The following ZNF606 variants were observed in gnomAD, a reference collection of about 807,000 sequenced individuals.
The protein encoded by ZNF606 is zinc finger protein 606.
A neutral mutation model predicts 74.9 loss-of-function variants in ZNF606; 37 were observed. The observed-to-expected ratio is 0.49, with a 90% confidence interval of 0.38 to 0.65. The LOEUF (loss-of-function observed/expected upper bound fraction) is 0.65. ZNF606 is among the 30% of genes least tolerant of loss of function. The pLI is 0.00. For missense variants in ZNF606, 852 were observed against 952.9 expected, an observed-to-expected ratio of 0.89 and a Z score of 1.39; for synonymous variants, 328 against 312.4, an observed-to-expected ratio of 1.05 and a Z score of -0.53.
chr19:57,987,698 G>T (rs1349215537), intron 6 of ZNF606, among the ~76,000 whole-genome samples: 1 of 151,922 alleles, frequency 6.6e-6, no homozygotes, highest in Non-Finnish European at 1.5e-5. Context: ...CATGGTGGCG[G>T]GTGCCTGTAA....
chr19:58,000,106 T>C lies in ZNF606; in HGVS notation c.89-210A>G, dbSNP rs1234988610. On this transcript the variant is annotated intron_variant, in intron 3 of 6. Transcript: ENST00000551380. ...CTCTCATTGGCCCCCCCTGTGCTAT[T>C]GGGTACCATCTCTGAGAAGCAGTGT... 21 of 560,434 alleles carry C rather than the reference T, an allele frequency of 3.7e-5. 1 individual carries two copies. The South Asian group carries it at 5.0e-4, about 13-fold the overall frequency. 34.7% of individuals were successfully genotyped at this position (560,434 alleles called of 1,614,324 possible). A position where few individuals can be genotyped will look rare whatever the true frequency, so the allele number is the denominator to read the frequency against.
intron 6 of ZNF606, among the ~76,000 whole-genome samples, chr19:57,983,817 A>G (rs1002771446): frequency 6.8e-6 from 1 of 147,026 alleles, no homozygotes; most frequent in African/African-American, 2.5e-5. Context: ...GGAGGAAGAT[A>G]AGGATACCTG....
At chr19:57,990,601 T>C (rs2073243969) in intron 4 of ZNF606, among the ~76,000 whole-genome samples, 1 of 150,220 alleles carries the variant, frequency 6.7e-6, no homozygotes, top group South Asian at 2.1e-4. Context: ...ACGTGTGCAG[T>C]ATACCGCTCC....
chr19:57,988,500 A>T, intron 5 of ZNF606, 95 bp downstream of exon 5: 1 of 1,525,058 alleles, frequency 6.6e-7, no homozygotes, highest in Non-Finnish European at 8.8e-7. Flanking sequence ...CTTCTGAGAC[A>T]CCACCCTCGC....
upstream of ZNF606, chr19:58,003,248 C>T (rs1319520210): frequency 2.2e-6 from 1 of 456,746 alleles, no homozygotes. Flanking sequence ...CTCTGTGAAG[C>T]TCGACGGCTG....
At chr19:57,999,750 G>A (rs772427211) in intron 4 of ZNF606, 58 bp downstream of exon 4, 2 of 1,537,408 alleles carry the variant, frequency 1.3e-6, no homozygotes, top group South Asian at 2.2e-5. Context: ...CGCATCAACT[G>A]GGATGACCAG....
chr19:57,999,674 C>A, intron 4 of ZNF606, 134 bp downstream of exon 4: 1 of 885,184 alleles, frequency 1.1e-6, no homozygotes, highest in South Asian at 1.5e-5. Context: ...TACCTGCTCT[C>A]AGGAAGGATT....
At chr19:58,001,428 G>T in intron 1 of ZNF606, 58 bp from the exon 2 acceptor site, 1 of 1,368,298 alleles carries the variant, frequency 7.3e-7, no homozygotes, top group Non-Finnish European at 1.0e-6. Context: ...GACCAAGTGG[G>T]AACAAAGAAG....
At chr19:57,981,835 A>T (rs992164945) in intron 6 of ZNF606, among the ~76,000 whole-genome samples, 2 of 152,226 alleles carry the variant, frequency 1.3e-5, no homozygotes, top group Non-Finnish European at 2.9e-5. Context: ...CATAGTGTGA[A>T]AAAACAGACA....
chr19:57,983,280 A>G (rs1004521811), intron 6 of ZNF606, among the ~76,000 whole-genome samples: 1 of 152,150 alleles, frequency 6.6e-6, no homozygotes, highest in Non-Finnish European at 1.5e-5. Flanking sequence ...ATATACATGA[A>G]ATATCACTCT....
chr19:57,994,838 A>G (rs2073310230), intron 4 of ZNF606, among the ~76,000 whole-genome samples: 1 of 152,312 alleles, frequency 6.6e-6, no homozygotes. Flanking sequence ...GGGGAGACTG[A>G]CAAGTAGCTT....
chr19:57,978,345 G>A lies in ZNF606; in HGVS notation c.2335C>T (p.Leu779=). The change falls in exon 7 of 7, where the codon CTA becomes TTA. Residue 779 remains leucine, a synonymous_variant. Coordinates refer to ENST00000551380, the MANE Select transcript of ZNF606 (RefSeq NM_001348022.3). This position sits in a 1 kb window ranked among gnomAD's most constrained non-coding sequence, Gnocchi z 4.4. ...CGKAFSGHSA[L]LQHQRNHSEE... ...CTGTGATTTCTCTGGTGTTGAAGTA[G>A]GGCTGAGTGACCACTAAAGGCTTTT... 1 of 1,596,994 alleles carries A rather than the reference G, an allele frequency of 6.3e-7. No individual in the cohort carries two copies. The highest frequency in any genetic ancestry group is 8.6e-7 in the Non-Finnish European group (1 of 1,168,494).
chr19:58,000,540 T>C, intron 3 of ZNF606, 143 bp downstream of exon 3: 1 of 919,224 alleles, frequency 1.1e-6, no homozygotes, highest in Non-Finnish European at 1.7e-6. Context: ...GATTCCTCCT[T>C]GTTCCAGCTC....
Position 57,980,026 on chromosome 19 carries a change from C to T in ZNF606, c.654G>A (p.Glu218=), listed in dbSNP as rs750989006. The change falls in exon 7 of 7, where the codon GAG becomes GAA. Residue 218 remains glutamate (E), a synonymous_variant. Transcript: ENST00000551380. The part of the protein sequence containing the change: ...RSSEFCGLGA[E]FSQNLNFVPS... ...GAACAAAGTTTAAGTTCTGGCTAAA[C>T]TCTGCCCCAAGTCCACAGAATTCAG... is the stretch of plus-strand genomic sequence containing the variant. 6 of 1,613,462 alleles carry T rather than the reference C, an allele frequency of 3.7e-6. No homozygotes were observed. The African/African-American group carries it at 5.3e-5, about 14-fold the overall frequency.
intron 4 of ZNF606, among the ~76,000 whole-genome samples, chr19:57,989,883 C>CT (rs1383078424): frequency 2.1e-5 from 3 of 143,044 alleles, no homozygotes; most frequent in Non-Finnish European, 4.7e-5. Context: ...AACCCCGTCT[C>CT]TACTAAAAAT....
Position 57,978,601 on chromosome 19 carries a change from A to G in ZNF606, c.2079T>C (p.Ser693=). 1 of 1,613,952 alleles carries G rather than the reference A, an allele frequency of 6.2e-7. No homozygotes were observed. Among genetic ancestry groups the G allele is most frequent in the Non-Finnish European group, 8.5e-7 (1 of 1,180,000 alleles). Residue 693 remains serine (S), a synonymous_variant, in exon 7 of 7, where the codon TCT becomes TCC. Transcript: ENST00000551380. This position sits in a 1 kb window ranked among gnomAD's most constrained non-coding sequence, Gnocchi z 4.4. ...GAGTTCTCCGGTGTGCAATGAGGTG[A>G]GAACTACAGTTAAAGGATCTTTCAC... ...NQCERSFNCS[S]HLIAHRRTHT... is the part of the protein sequence containing the mutation.
At chr19:57,995,713 G>C (rs1048108430) in intron 4 of ZNF606, among the ~76,000 whole-genome samples, 1 of 152,084 alleles carries the variant, frequency 6.6e-6, no homozygotes, top group Non-Finnish European at 1.5e-5. Flanking sequence ...TAGCTACTTG[G>C]GAGGCTGAAG....
At chr19:57,986,439 G>A (rs1301489266) in intron 6 of ZNF606, among the ~76,000 whole-genome samples, 1 of 151,988 alleles carries the variant, frequency 6.6e-6, no homozygotes, top group Non-Finnish European at 1.5e-5. Context: ...GCAACAGAGT[G>A]TCTTTTCTAT....
chr19:57,992,875 A>G (rs941485514), intron 4 of ZNF606, among the ~76,000 whole-genome samples: 1 of 152,262 alleles, frequency 6.6e-6, no homozygotes, highest in Admixed American at 6.5e-5. Context: ...AGCAGGCTGA[A>G]TAACACCCCC....
Sources: gnomAD v4.1 joint callset for allele counts (sites outside exome capture counted in the v4.1 genomes callset) on GRCh38, gnomAD v4.1.1 for gene constraint, Gnocchi (gnomAD v3.1) non-coding constraint, MANE v1.5 for transcripts, NCBI Gene and HGNC (gene_info 2026-07-23, HGNC 2026-07-21) for gene names.